HIGD1A: variants seen among roughly 807,000 people sequenced by gnomAD.
HIGD1A encodes the protein HIG1 domain family member 1A, mitochondrial.
Under a neutral mutation model 11.3 loss-of-function variants are expected in HIGD1A, and 8 were observed. The ratio of observed to expected loss-of-function variants is 0.71; its 90% CI spans 0.42 to 1.28. HIGD1A has a LOEUF of 1.28. Among genes scored for constraint, HIGD1A ranks in the 50% most tolerant of loss-of-function variants. The pLI, the probability that HIGD1A is intolerant of heterozygous loss-of-function variation, is 0.01. For missense variants in HIGD1A, 107 were observed against 118.8 expected (o/e 0.90, Z 0.46); for synonymous variants, 32 against 38.4 (o/e 0.83, Z 0.62).
At chr3:42,793,800 G>A (rs539898388) in intron 2 of HIGD1A, among the ~76,000 whole-genome samples, 6 of 152,072 alleles carry the variant, frequency 3.9e-5, no homozygotes, top group Admixed American at 2.6e-4. Context: ...GCAAAACCCC[G>A]TGTCTATACA....
At chr3:42,790,530 C>G (rs183713288) in intron 2 of HIGD1A, among the ~76,000 whole-genome samples, 4 of 152,236 alleles carry the variant, frequency 2.6e-5, no homozygotes, top group Admixed American at 2.6e-4. Context: ...AAGACTCCGT[C>G]TCGAAAGAAA....
At chr3:42,794,016 A>T in intron 2 of HIGD1A, 141 bp downstream of exon 2, 3 of 825,070 alleles carry the variant, frequency 3.6e-6, no homozygotes, top group Non-Finnish European at 5.5e-6. Context: ...AATCTTTATG[A>T]TGAGATTTAT....
chr3:42,795,077 T>C (rs1290600192), intron 1 of HIGD1A, among the ~76,000 whole-genome samples: 4 of 151,768 alleles, frequency 2.6e-5, no homozygotes, highest in Admixed American at 6.6e-5. Flanking sequence ...CAACCTCCAT[T>C]TGGCACACAC....
At chr3:42,791,968 T>A (rs1700426374) in intron 2 of HIGD1A, among the ~76,000 whole-genome samples, 1 of 152,070 alleles carries the variant, frequency 6.6e-6, no homozygotes, top group South Asian at 2.1e-4. Context: ...GATTCAATTA[T>A]TAAAAATATA....
At chr3:42,801,623 A>T (rs1399995094) in intron 1 of HIGD1A, among the ~76,000 whole-genome samples, 1 of 152,242 alleles carries the variant, frequency 6.6e-6, no homozygotes, top group Non-Finnish European at 1.5e-5. Flanking sequence ...TGTAGAGTTT[A>T]ATCAGTAAGA....
At chr3:42,787,593 A>AT (rs1700367288) in intron 2 of HIGD1A, among the ~76,000 whole-genome samples, 1 of 144,246 alleles carries the variant, frequency 6.9e-6, no homozygotes, top group African/African-American at 2.5e-5. Context: ...TCCATCTCAA[A>AT]AATATATATA....
At chr3:42,790,445 A>AT in intron 2 of HIGD1A, among the ~76,000 whole-genome samples, 1 of 152,166 alleles carries the variant, frequency 6.6e-6, no homozygotes, top group Non-Finnish European at 1.5e-5. Context: ...AGGCACAAGA[A>AT]TTGCTTGAAC....
At position 42,788,690 on chromosome 3, in the gene HIGD1A, T is replaced by C. The variant is rs564348076; in HGVS notation, c.98-2528A>G. Among the ~76,000 whole-genome samples, 30 of 152,114 alleles carry C rather than the reference T, an allele frequency of 2.0e-4. No homozygotes were observed. The East Asian group carries it at 5.9e-3, about 30-fold the overall frequency. ...TGAAAACAGGAGTTCGAGACTAGCC[T>C]GGCCAAAATGGTGAAACCCCGTCTC... On this transcript the variant is annotated intron_variant, in intron 2 of 3. Transcript: ENST00000321331.
chr3:42,789,514 T>C (rs1011165065), intron 2 of HIGD1A, among the ~76,000 whole-genome samples: 1 of 145,678 alleles, frequency 6.9e-6, no homozygotes, highest in African/African-American at 2.5e-5. Flanking sequence ...AAAAAAAAAA[T>C]TTTAATAAAA....
In HIGD1A at chr3:42,787,594, A is replaced by AAAAAAAAAATAT. The variant is rs1383516264; in HGVS notation, c.98-1433_98-1432insATATTTTTTTTT. 1.4e-3 allele frequency among the ~76,000 whole-genome samples: 191 copies of AAAAAAAAAATAT among 141,234 alleles called. 8 individuals carry two copies. In the East Asian group the frequency reaches 0.025, roughly 18 times the overall value. The allele number at this position is 141,234 out of a possible 152,430, so 92.7% of individuals were successfully genotyped here. On this transcript the variant is annotated intron_variant, in intron 2 of 3. Coordinates refer to ENST00000321331, the MANE Select transcript of HIGD1A (RefSeq NM_014056.4). Reference sequence around the variant, plus strand: ...CGACAGAGCGAGACTCCATCTCAAAAATATATATATATATATATATATATA... The same window carrying AAAAAAAAAATAT: ...CGACAGAGCGAGACTCCATCTCAAAAAAAAAAAAATATATATATATATATATATATATATATA...
intron 2 of HIGD1A, among the ~76,000 whole-genome samples, chr3:42,792,768 T>G (rs1700440701): frequency 6.6e-6 from 1 of 151,470 alleles, no homozygotes; most frequent in African/African-American, 2.4e-5. Flanking sequence ...TCACCTGAGA[T>G]CAGGAGTTCG....
intron 1 of HIGD1A, among the ~76,000 whole-genome samples, chr3:42,802,694 A>G (rs1700581960): frequency 6.6e-6 from 1 of 152,238 alleles, no homozygotes; most frequent in African/African-American, 2.4e-5. Flanking sequence ...ATCCAAGCCA[A>G]TAGCCTTATT....
In HIGD1A at chr3:42,795,542, C is replaced by G. The variant is rs1464023107; in HGVS notation, c.-22-1267G>C. Among the ~76,000 whole-genome samples, 3 of 152,070 alleles carry G rather than the reference C, an allele frequency of 2.0e-5. No individual in the cohort carries two copies. The East Asian group carries it at 5.8e-4, about 29-fold the overall frequency. Reference sequence around the variant, plus strand: ...TGATTAGCACCTTTTAACATCACTGCAGCACAAAACTGAATTACCCTCAGG... The same window carrying G: ...TGATTAGCACCTTTTAACATCACTGGAGCACAAAACTGAATTACCCTCAGG... On this transcript the variant is annotated intron_variant, in intron 1 of 3. Transcript: ENST00000321331.
intron 1 of HIGD1A, among the ~76,000 whole-genome samples, chr3:42,803,762 C>G (rs964363634): frequency 1.3e-5 from 2 of 152,218 alleles, no homozygotes; most frequent in Non-Finnish European, 2.9e-5. Context: ...TCTGCCCTTA[C>G]GCTGTGCTTT....
chr3:42,784,043 G>T lies in HIGD1A; in HGVS notation c.*1228C>A, dbSNP rs558336294. On this transcript the variant is annotated 3_prime_UTR_variant, in exon 4 of 4. Transcript: ENST00000321331. Reference sequence around the variant, plus strand: ...GTGAGCCAAGATCGTGCCACTGCACGCCAGCCAAGATGACAGAGAATAACT... The same window carrying T: ...GTGAGCCAAGATCGTGCCACTGCACTCCAGCCAAGATGACAGAGAATAACT... Among the ~76,000 whole-genome samples the T allele has an allele frequency of 4.9e-5, 7 of 142,604 alleles. No individual in the cohort carries two copies. The highest frequency in any genetic ancestry group is 1.8e-4 in the African/African-American group (7 of 38,052). The allele number at this position is 142,604 out of a possible 152,430, so 93.6% of individuals were successfully genotyped here.
chr3:42,794,168 A>T lies in HIGD1A; in HGVS notation c.86T>A (p.Phe29Tyr). Reference sequence around the variant, plus strand: ...TCAGTCAAACTTACCAACGGGTACGAATGGTGCCTCTTTAGCTTTTCGAAT... The same window carrying T: ...TCAGTCAAACTTACCAACGGGTACGTATGGTGCCTCTTTAGCTTTTCGAAT... Reference protein sequence around the residue: ...KLIRKAKEAPFVPVGIAGFAA... With the variant: ...KLIRKAKEAPYVPVGIAGFAA... Residue 29 changes from phenylalanine (F) to tyrosine (Y), a missense_variant, in exon 2 of 4, where the codon TTC (phenylalanine) becomes TAC (tyrosine). Phe to Tyr is a conservative substitution (Grantham distance 22). Coordinates refer to ENST00000321331, the MANE Select transcript of HIGD1A (RefSeq NM_014056.4). 1 of 1,602,872 alleles carries T rather than the reference A, an allele frequency of 6.2e-7. No homozygotes were observed. Among genetic ancestry groups the T allele is most frequent in the Non-Finnish European group, 8.5e-7 (1 of 1,176,752 alleles).
chr3:42,785,670 A>C (rs930050338), intron 3 of HIGD1A, among the ~76,000 whole-genome samples: 8 of 152,258 alleles, frequency 5.3e-5, no homozygotes, highest in African/African-American at 1.4e-4. Flanking sequence ...TAGAAGAAGC[A>C]TGTAATACCT....
At chr3:42,792,823 A>G (rs1700442577) in intron 2 of HIGD1A, among the ~76,000 whole-genome samples, 1 of 151,540 alleles carries the variant, frequency 6.6e-6, no homozygotes, top group African/African-American at 2.4e-5. Flanking sequence ...TCTACTAAAA[A>G]TACAAAGAAA....
intron 1 of HIGD1A, among the ~76,000 whole-genome samples, chr3:42,795,843 T>C (rs1303223480): frequency 1.3e-5 from 2 of 152,344 alleles, no homozygotes; most frequent in South Asian, 2.1e-4. Context: ...TGCTATTTCA[T>C]TTTAGCCACA....
Sources: allele counts gnomAD v4.1 joint callset (sites outside exome capture counted in the v4.1 genomes callset), GRCh38; gene constraint gnomAD v4.1.1; transcripts MANE v1.5; gene names NCBI Gene and HGNC (gene_info 2026-07-23, HGNC 2026-07-21).